SDK1: variants seen among roughly 807,000 people sequenced by gnomAD.
SDK1 encodes sidekick cell adhesion molecule 1.
Under a neutral mutation model 245.5 loss-of-function variants are expected in SDK1, and 157 were observed. The observed-to-expected ratio is 0.64, with a 90% confidence interval of 0.56 to 0.73. The LOEUF is 0.73. Ranked by LOEUF, SDK1 falls within the 30% of genes least tolerant of loss-of-function variation. The pLI is 0.00. For missense variants in SDK1, 3,583 were observed against 3,002.3 expected, an observed-to-expected ratio of 1.19 and a Z score of -4.52; for synonymous variants, 1,647 against 1,278.5, an observed-to-expected ratio of 1.29 and a Z score of -6.15.
chr7:3,531,417 T>G (rs1171304546), intron 1 of SDK1, among the ~76,000 whole-genome samples: 1 of 152,228 alleles, frequency 6.6e-6, no homozygotes, highest in African/African-American at 2.4e-5. Flanking sequence ...TTTAAATTTT[T>G]TATTTTCTTA....
intron 4 of SDK1, among the ~76,000 whole-genome samples, chr7:3,780,551 A>T (rs1040434992): frequency 3.3e-5 from 5 of 152,106 alleles, no homozygotes; most frequent in African/African-American, 1.2e-4. Context: ...AGGAATTTCT[A>T]CCTAGCCTGA....
intron 1 of SDK1, among the ~76,000 whole-genome samples, chr7:3,570,913 C>T (rs1393834313): frequency 6.6e-6 from 1 of 150,482 alleles, no homozygotes; most frequent in South Asian, 2.1e-4. Flanking sequence ...CTTCTTTAAT[C>T]CAGGGTGATT....
intron 1 of SDK1, among the ~76,000 whole-genome samples, chr7:3,404,763 A>G (rs1024130843): frequency 6.6e-6 from 1 of 152,200 alleles, no homozygotes; most frequent in African/African-American, 2.4e-5. Context: ...TTTAAATGCT[A>G]CTGTAATTGG....
At chr7:3,513,768 T>C (rs1782651762) in intron 1 of SDK1, among the ~76,000 whole-genome samples, 1 of 152,162 alleles carries the variant, frequency 6.6e-6, no homozygotes, top group Non-Finnish European at 1.5e-5. Context: ...GCAGGTTTTA[T>C]AACTTTTCAG....
At chr7:3,467,825 C>T (rs968004626) in intron 1 of SDK1, among the ~76,000 whole-genome samples, 13 of 152,018 alleles carry the variant, frequency 8.6e-5, no homozygotes, top group Non-Finnish European at 1.6e-4. Flanking sequence ...TAGTCTTTTT[C>T]CCTTAGCATT....
intron 1 of SDK1, among the ~76,000 whole-genome samples, chr7:3,377,597 G>T (rs956141089): frequency 6.6e-6 from 1 of 152,014 alleles, no homozygotes; most frequent in Admixed American, 6.6e-5. Context: ...TGTGTCTGTT[G>T]TAACAGTTCT....
intron 5 of SDK1, among the ~76,000 whole-genome samples, chr7:3,850,289 C>T (rs988356758): frequency 6.6e-6 from 1 of 152,190 alleles, no homozygotes; most frequent in Admixed American, 6.5e-5. Context: ...CTCATGAGAA[C>T]ATTTAAAGTA....
intron 32 of SDK1, among the ~76,000 whole-genome samples, chr7:4,164,424 C>G (rs1401489088): frequency 6.6e-6 from 1 of 152,116 alleles, no homozygotes; most frequent in African/African-American, 2.4e-5. Flanking sequence ...CGAGCTTCAG[C>G]CCTGACTCCC....
At chr7:3,394,163 C>A (rs1460372969) in intron 1 of SDK1, among the ~76,000 whole-genome samples, 1 of 151,750 alleles carries the variant, frequency 6.6e-6, no homozygotes. Flanking sequence ...CTCCTTTTCT[C>A]CCAAACACAT....
rs1321634304 is a variant in SDK1 at position 3,980,414 on chromosome 7, CT to C, written c.1994+5870del. On this transcript the variant is annotated intron_variant, in intron 13 of 44. Transcript: ENST00000404826. Reference sequence around the variant, plus strand: ...AGCACTGGGCTTCGCTTCCATTGTTCTCTGGGACCTCTTCCATTTATCAGCC... The same window carrying C: ...AGCACTGGGCTTCGCTTCCATTGTTCCTGGGACCTCTTCCATTTATCAGCC... Among the ~76,000 whole-genome samples the C allele has an allele frequency of 3.3e-4, 50 of 152,184 alleles. 1 individual carries two copies. The highest frequency in any genetic ancestry group is 1.2e-3 in the African/African-American group (48 of 41,422).
At chr7:3,401,787 C>T (rs1778894023) in intron 1 of SDK1, among the ~76,000 whole-genome samples, 1 of 151,948 alleles carries the variant, frequency 6.6e-6, no homozygotes, top group South Asian at 2.1e-4. Flanking sequence ...TTTTCAAATA[C>T]TTAAACTGTT....
intron 38 of SDK1, among the ~76,000 whole-genome samples, chr7:4,215,588 A>G (rs945028559): frequency 7.9e-5 from 12 of 152,186 alleles, no homozygotes; most frequent in African/African-American, 1.7e-4. Context: ...GTGAGACTCA[A>G]TGTGTGACCG....
At chr7:3,856,244 G>C (rs888027294) in intron 5 of SDK1, among the ~76,000 whole-genome samples, 26 of 151,988 alleles carry the variant, frequency 1.7e-4, no homozygotes, top group African/African-American at 6.3e-4. Flanking sequence ...GCTAGTAGAA[G>C]AATAGAAACT....
In SDK1 at chr7:4,026,539, G is replaced by A. The variant is rs1026799336; in HGVS notation, c.2602+9187G>A. On this transcript the variant is annotated intron_variant, in intron 17 of 44. Coordinates refer to ENST00000404826, the MANE Select transcript of SDK1 (RefSeq NM_152744.4). This position sits in a 1 kb window ranked among gnomAD's most constrained non-coding sequence, Gnocchi z 4.1. ...GTGCCCCCACCCCAGCCCAAACACT[G>A]GCCCCAAATGCTTCTCTTCAATGCC... Among the ~76,000 whole-genome samples, 2 of 152,180 alleles carry A rather than the reference G, an allele frequency of 1.3e-5. No individual in the cohort carries two copies. Among genetic ancestry groups the A allele is most frequent in the East Asian group, 3.9e-4 (2 of 5,178 alleles).
intron 13 of SDK1, 96 bp from the exon 14 acceptor site, chr7:3,987,090 A>G: frequency 8.3e-7 from 1 of 1,209,702 alleles, no homozygotes; most frequent in Non-Finnish European, 1.2e-6. Context: ...TTTCCCAAAC[A>G]TGACACAGCA....
chr7:4,149,403 G>A lies in SDK1; in HGVS notation c.4565G>A (p.Gly1522Asp), dbSNP rs754573378. 3 of 1,581,054 alleles carry A rather than the reference G, an allele frequency of 1.9e-6. No individual in the cohort carries two copies. Among genetic ancestry groups the A allele is most frequent in the Non-Finnish European group, 8.6e-7 (1 of 1,164,810 alleles). The change falls in exon 30 of 45, where the codon GGT becomes GAT. Residue 1522 changes from glycine to aspartate, a missense_variant. By Grantham distance (94) the Gly-to-Asp change is moderately conservative. Coordinates refer to ENST00000404826, the MANE Select transcript of SDK1 (RefSeq NM_152744.4). ...FTMQVRELPRGEWQTYSSSIS... is the reference protein window; with the variant it reads ...FTMQVRELPRDEWQTYSSSIS... ...ATGCAGGTGCGAGAGCTGCCTCGGG[G>A]TGAGTGGCAGACCTACTCCTCGTCC...
chr7:4,123,867 G>T (rs1205166783), intron 25 of SDK1, among the ~76,000 whole-genome samples: 2 of 152,230 alleles, frequency 1.3e-5, no homozygotes, highest in Admixed American at 1.3e-4. Flanking sequence ...GGTAGGGGGA[G>T]AAGGGAAGGG....
Position 3,764,638 on chromosome 7 carries a change from C to T in SDK1, c.714-56812C>T, listed in dbSNP as rs533799324. On this transcript the variant is annotated intron_variant, in intron 4 of 44. Transcript: ENST00000404826. ...CAGAGGTTGCAGCGAGCAGGGATTG[C>T]GCCACCGCACTCTAGCCTGGGCGAC... is the stretch of plus-strand genomic sequence containing the variant. 1.8e-4 allele frequency among the ~76,000 whole-genome samples: 27 copies of T among 151,912 alleles called. No individual in the cohort carries two copies. The South Asian group carries it at 1.9e-3, about 11-fold the overall frequency.
intron 1 of SDK1, among the ~76,000 whole-genome samples, chr7:3,395,545 C>T (rs1456441094): frequency 2.0e-5 from 3 of 151,882 alleles, no homozygotes; most frequent in Middle Eastern, 3.4e-3. Flanking sequence ...TTATACTTCT[C>T]GGAAGAATTT....
Sources: gnomAD v4.1 joint callset for allele counts (sites outside exome capture counted in the v4.1 genomes callset) on GRCh38, gnomAD v4.1.1 for gene constraint, Gnocchi (gnomAD v3.1) non-coding constraint, MANE v1.5 for transcripts, NCBI Gene and HGNC (gene_info 2026-07-23, HGNC 2026-07-21) for gene names.